Variants in RTN1 observed in about 807,000 individuals in gnomAD.
The protein encoded by RTN1 is reticulon-1.
In RTN1, 25 loss-of-function variants were observed where a neutral mutation model predicts 65.5. The ratio of observed to expected loss-of-function variants is 0.38; its 90% CI spans 0.28 to 0.53. The LOEUF (loss-of-function observed/expected upper bound fraction) is 0.53, where lower values mean the gene tolerates loss of function less well. Among genes scored for constraint, RTN1 ranks in the 20% least tolerant of loss-of-function variants. The pLI, the probability that RTN1 is intolerant of heterozygous loss-of-function variation, is 0.79. For synonymous variants in RTN1, 471 were observed against 447.6 expected (o/e 1.05, Z -0.66); for missense variants, 983 against 1,025.4 (o/e 0.96, Z 0.57).
At chr14:59,644,974 C>T (rs934820810) in intron 3 of RTN1, among the ~76,000 whole-genome samples, 12 of 152,224 alleles carry the variant, frequency 7.9e-5, no homozygotes, top group Admixed American at 7.9e-4. Context: ...GACAGGCCAC[C>T]ATCTTTGCTG....
At chr14:59,715,876 AG>A (rs1318634022) in intron 3 of RTN1, among the ~76,000 whole-genome samples, 1 of 152,158 alleles carries the variant, frequency 6.6e-6, no homozygotes, top group Non-Finnish European at 1.5e-5. Context: ...AGAAAATAAA[AG>A]GAACAAATTG....
chr14:59,750,213 T>TATATTATATCTATAATATATA, intron 1 of RTN1, among the ~76,000 whole-genome samples: 1 of 21,940 alleles, frequency 4.6e-5, no homozygotes, highest in Admixed American at 1.0e-3. Flanking sequence ...ATATATAATA[T>TATATTATATCTATAATATATA]ATATATTATA....
At chr14:59,681,649 C>T (rs1044752848) in intron 3 of RTN1, among the ~76,000 whole-genome samples, 2 of 152,172 alleles carry the variant, frequency 1.3e-5, no homozygotes, top group Non-Finnish European at 2.9e-5. Context: ...TCTTGAGTTC[C>T]AGGTTCAGGT....
intron 1 of RTN1, among the ~76,000 whole-genome samples, chr14:59,763,012 T>A (rs1566718612): frequency 6.6e-6 from 1 of 152,194 alleles, no homozygotes; most frequent in East Asian, 1.9e-4. Context: ...TAATCTCATG[T>A]TGGAATGCAA....
At chr14:59,597,240 C>T (rs1881429849) in intron 8 of RTN1, among the ~76,000 whole-genome samples, 1 of 152,208 alleles carries the variant, frequency 6.6e-6, no homozygotes, top group Admixed American at 6.5e-5. Context: ...AACCTATGTT[C>T]ACCCTCAGAG....
chr14:59,764,072 A>G (rs1885802478), intron 1 of RTN1, among the ~76,000 whole-genome samples: 1 of 152,112 alleles, frequency 6.6e-6, no homozygotes, highest in African/African-American at 2.4e-5. Flanking sequence ...TAGCAAAACC[A>G]AAGGTGAAGT....
intron 1 of RTN1, among the ~76,000 whole-genome samples, chr14:59,786,348 C>G (rs563216352): frequency 1.3e-5 from 2 of 152,294 alleles, no homozygotes; most frequent in South Asian, 2.1e-4. Context: ...GTGACTGGAA[C>G]CACTACACAG....
intron 1 of RTN1, among the ~76,000 whole-genome samples, chr14:59,869,485 G>C (rs1486004748): frequency 6.6e-6 from 1 of 151,402 alleles, no homozygotes; most frequent in Non-Finnish European, 1.5e-5. Context: ...ACCAGGATGC[G>C]CCAGGGGCCT....
intron 1 of RTN1, among the ~76,000 whole-genome samples, chr14:59,841,259 G>A (rs930114868): frequency 6.6e-6 from 1 of 152,104 alleles, no homozygotes; most frequent in African/African-American, 2.4e-5. Context: ...AAAGACAGAA[G>A]ATGCAAGTAA....
chr14:59,844,003 C>A (rs1887360755), intron 1 of RTN1, among the ~76,000 whole-genome samples: 1 of 152,142 alleles, frequency 6.6e-6, no homozygotes, highest in Non-Finnish European at 1.5e-5. Flanking sequence ...ATGAAAAAGG[C>A]TGCTTTGAGA....
chr14:59,722,972 A>AT (rs1167496455), intron 3 of RTN1, among the ~76,000 whole-genome samples: 1 of 151,542 alleles, frequency 6.6e-6, no homozygotes, highest in Admixed American at 6.6e-5. Context: ...TAATTTTTGT[A>AT]TTTTTTGTAG....
At chr14:59,664,319 TG>T (rs1883316532) in intron 3 of RTN1, among the ~76,000 whole-genome samples, 1 of 151,590 alleles carries the variant, frequency 6.6e-6, no homozygotes, top group Non-Finnish European at 1.5e-5. Flanking sequence ...GCCTGTCAGG[TG>T]GTGGGGGGAA....
rs1280866129 is a variant in RTN1 at position 59,825,420 on chromosome 14, GCT to G, written c.241+44968_241+44969del. Among the ~76,000 whole-genome samples the G allele has an allele frequency of 2.6e-5, 4 of 152,226 alleles. No homozygotes were observed. Among genetic ancestry groups the G allele is most frequent in the African/African-American group, 9.6e-5 (4 of 41,466 alleles). On this transcript the variant is annotated intron_variant, in intron 1 of 8. Transcript: ENST00000267484. The surrounding 1 kb of genome is among the most constrained non-coding windows in gnomAD (Gnocchi z 4.2). ...TGCAGGCTGAGGTACACAGGAAAAT[GCT>G]CTGATTCAGGGAAAGTTGCTATAAA...
chr14:59,838,253 C>A (rs1387757847), intron 1 of RTN1, among the ~76,000 whole-genome samples: 1 of 152,174 alleles, frequency 6.6e-6, no homozygotes, highest in Non-Finnish European at 1.5e-5. Flanking sequence ...TCGCCTTCAG[C>A]CGCATCTATG....
chr14:59,727,656 G>A lies in RTN1; in HGVS notation c.1028C>T (p.Ala343Val). The change falls in exon 3 of 9, where the codon GCA (alanine) becomes GTA (valine). Residue 343 changes from alanine to valine, a missense_variant. Coordinates refer to ENST00000267484, the MANE Select transcript of RTN1 (RefSeq NM_021136.3). The surrounding 1 kb of genome is among the most constrained non-coding windows in gnomAD (Gnocchi z 4.2). ...PPSSGTEPSA[A>V]ESQGKGSISE... ...GATGCTGCCTTTCCCCTGGGATTCT[G>A]CAGCAGATGGTTCTGTCGTCCCACA... The A allele has an allele frequency of 6.2e-7, 1 of 1,602,878 alleles. No homozygotes were observed. Among genetic ancestry groups the A allele is most frequent in the Non-Finnish European group, 8.5e-7 (1 of 1,174,220 alleles).
chr14:59,718,713 T>C (rs1365962966), intron 3 of RTN1, among the ~76,000 whole-genome samples: 1 of 152,156 alleles, frequency 6.6e-6, no homozygotes, highest in African/African-American at 2.4e-5. Context: ...GGATGAGTTT[T>C]TCCAAAAGCA....
At chr14:59,832,820 G>A (rs1887148695) in intron 1 of RTN1, among the ~76,000 whole-genome samples, 1 of 152,156 alleles carries the variant, frequency 6.6e-6, no homozygotes, top group Non-Finnish European at 1.5e-5. Flanking sequence ...AGTGACCTCT[G>A]CCTTAGACAG....
At chr14:59,739,000 G>C (rs1185570021) in intron 2 of RTN1, among the ~76,000 whole-genome samples, 2 of 152,112 alleles carry the variant, frequency 1.3e-5, no homozygotes, top group African/African-American at 4.8e-5. Flanking sequence ...GGGCCTGTCA[G>C]ACGGTGAAGG....
intron 1 of RTN1, among the ~76,000 whole-genome samples, chr14:59,782,120 C>T (rs897682727): frequency 6.6e-6 from 1 of 152,162 alleles, no homozygotes; most frequent in Non-Finnish European, 1.5e-5. Context: ...GTCTATGAAT[C>T]AGGAAATGGG....
Sources: gnomAD v4.1 joint callset for allele counts (sites outside exome capture counted in the v4.1 genomes callset) on GRCh38, gnomAD v4.1.1 for gene constraint, Gnocchi (gnomAD v3.1) non-coding constraint, MANE v1.5 for transcripts, NCBI Gene and HGNC (gene_info 2026-07-23, HGNC 2026-07-21) for gene names.